Variants in PCBP3 observed in about 807,000 individuals in gnomAD.
PCBP3 encodes poly(rC) binding protein 3.
PCBP3 carries 25 observed loss-of-function variants against 52.7 expected under a neutral mutation model. The ratio of observed to expected loss-of-function variants is 0.47; its 90% confidence interval spans 0.35 to 0.66. The LOEUF is 0.66. Among genes scored for constraint, PCBP3 ranks in the 30% least tolerant of loss-of-function variants. The pLI is 0.01. For missense variants in PCBP3, 391 were observed against 490.3 expected (o/e 0.80, Z 1.91); for synonymous variants, 162 against 183.0 (o/e 0.89, Z 0.93).
intron 2 of PCBP3, among the ~76,000 whole-genome samples, chr21:45,710,859 G>A (rs2083789113): frequency 6.6e-6 from 1 of 152,106 alleles, no homozygotes. Context: ...ATGAACGCAT[G>A]GATTTAAAAA....
intron 14 of PCBP3, 55 bp from the exon 15 acceptor site, chr21:45,930,731 C>T: frequency 2.4e-6 from 2 of 843,996 alleles, no homozygotes; most frequent in Admixed American, 1.7e-5. Flanking sequence ...TTGAAGGGAC[C>T]CTGCTTATCT....
chr21:45,838,932 C>T (rs973001360), intron 4 of PCBP3, among the ~76,000 whole-genome samples: 2 of 152,166 alleles, frequency 1.3e-5, no homozygotes, highest in Non-Finnish European at 2.9e-5. Context: ...GGGCTATTCA[C>T]AAAAGTCTCA....
At chr21:45,712,535 T>C (rs765638230) in intron 2 of PCBP3, among the ~76,000 whole-genome samples, 4 of 152,220 alleles carry the variant, frequency 2.6e-5, no homozygotes, top group African/African-American at 7.2e-5. Flanking sequence ...CTGACTCTTC[T>C]GTACCTCTTT....
Position 45,928,868 on chromosome 21 carries a change from A to T in PCBP3, c.718-1049A>T, listed in dbSNP as rs189203424. Among the ~76,000 whole-genome samples the T allele has an allele frequency of 1.3e-4, 20 of 151,792 alleles. No homozygotes were observed. The East Asian group carries it at 3.7e-3, about 28-fold the overall frequency. Reference sequence around the variant, plus strand: ...AGGTGGTGCCCTCCCCAAATGTGCCACCTCCCCTGCCTGCTGGGCAGCACC... The same window carrying T: ...AGGTGGTGCCCTCCCCAAATGTGCCTCCTCCCCTGCCTGCTGGGCAGCACC... On this transcript the variant is annotated intron_variant, in intron 13 of 17. Coordinates refer to ENST00000681687, the MANE Select transcript of PCBP3 (RefSeq NM_001384156.1). The surrounding 1 kb of genome is among the most constrained non-coding windows in gnomAD (Gnocchi z 4.1).
intron 9 of PCBP3, among the ~76,000 whole-genome samples, chr21:45,908,248 C>T (rs559227802): frequency 1.3e-5 from 2 of 152,132 alleles, no homozygotes; most frequent in African/African-American, 2.4e-5. Flanking sequence ...GGGATTGAGA[C>T]ATGGCCCCAT....
At chr21:45,846,651 C>T (rs116550818) in intron 4 of PCBP3, among the ~76,000 whole-genome samples, 4 of 152,194 alleles carry the variant, frequency 2.6e-5, no homozygotes, top group Admixed American at 2.0e-4. Flanking sequence ...TCTATAGTTT[C>T]TGCATTATAA....
intron 3 of PCBP3, among the ~76,000 whole-genome samples, chr21:45,738,705 C>A (rs974277364): frequency 6.6e-6 from 1 of 152,134 alleles, no homozygotes; most frequent in African/African-American, 2.4e-5. Context: ...GTCCATGGCC[C>A]CCTGGGTAGC....
intron 1 of PCBP3, among the ~76,000 whole-genome samples, chr21:45,667,899 G>A (rs1008136407): frequency 1.3e-5 from 2 of 152,136 alleles, no homozygotes; most frequent in African/African-American, 2.4e-5. Context: ...AACTAACTCT[G>A]TAAAGTCTGT....
rs8133782 is a variant in PCBP3 at position 45,821,177 on chromosome 21, C to G, written c.-125-28784C>G. ...CTTGACCTGCTCCCCCTTCCCGGTT[C>G]CCACTTTTTGCCTGGCAGGCTGGGA... On this transcript the variant is annotated intron_variant, in intron 4 of 17. Transcript: ENST00000681687. This position sits in a 1 kb window ranked among gnomAD's most constrained non-coding sequence, Gnocchi z 4.4. 5.9e-5 allele frequency among the ~76,000 whole-genome samples: 9 copies of G among 152,144 alleles called. No individual in the cohort carries two copies. Among genetic ancestry groups the G allele is most frequent in the Admixed American group, 5.9e-4 (9 of 15,290 alleles).
rs542871794 is a variant in PCBP3 at position 45,914,260 on chromosome 21, C to T, written c.675+235C>T. The T allele has an allele frequency of 2.7e-4, 173 of 629,580 alleles. 1 individual carries two copies. Among genetic ancestry groups the T allele is most frequent in the Middle Eastern group, 7.9e-4 (2 of 2,518 alleles). The allele number at this position is 629,580 out of a possible 1,614,324, so 39.0% of individuals were successfully genotyped here. On this transcript the variant is annotated intron_variant, in intron 12 of 17. Coordinates refer to ENST00000681687, the MANE Select transcript of PCBP3 (RefSeq NM_001384156.1). ...GGAATCATGTTCTCCCTCCCTGACCCGGGCAGGAAGATCTGGCTCTGCCTA... is the reference window on the plus strand; with the variant it reads ...GGAATCATGTTCTCCCTCCCTGACCTGGGCAGGAAGATCTGGCTCTGCCTA...
intron 13 of PCBP3, among the ~76,000 whole-genome samples, chr21:45,925,568 A>G (rs967131008): frequency 1.3e-5 from 2 of 152,106 alleles, no homozygotes; most frequent in Non-Finnish European, 2.9e-5. Context: ...GCAAAAAATA[A>G]TTTTTTTGTT....
chr21:45,740,171 G>T (rs1376797313), intron 3 of PCBP3, among the ~76,000 whole-genome samples: 1 of 152,176 alleles, frequency 6.6e-6, no homozygotes, highest in Non-Finnish European at 1.5e-5. Flanking sequence ...GGGCTAAGTC[G>T]CGTTTCCTCC....
chr21:45,814,781 ATGAGTGG>A (rs2092810978), intron 4 of PCBP3, among the ~76,000 whole-genome samples: 2 of 84,810 alleles, frequency 2.4e-5, no homozygotes, highest in East Asian at 4.2e-4. Flanking sequence ...GTGGTGAGTG[ATGAGTGG>A]TGAGTGAGTG....
chr21:45,751,786 A>T (rs555094559), intron 3 of PCBP3, among the ~76,000 whole-genome samples: 4 of 152,192 alleles, frequency 2.6e-5, no homozygotes, highest in Non-Finnish European at 5.9e-5. Context: ...CCACAGCCAC[A>T]CCATGGGGTC....
intron 4 of PCBP3, among the ~76,000 whole-genome samples, chr21:45,804,971 G>T (rs2092443392): frequency 6.6e-6 from 1 of 152,130 alleles, no homozygotes; most frequent in South Asian, 2.1e-4. Flanking sequence ...TGTGAAATGG[G>T]CCTCACGGGA....
chr21:45,840,451 T>C (rs111892300), intron 4 of PCBP3, among the ~76,000 whole-genome samples: 6,518 of 128,348 alleles, frequency 0.051, 531 homozygotes, highest in African/African-American at 0.17. Context: ...AGCGGGACCC[T>C]GTCTCAAAAA....
chr21:45,731,907 T>A (rs1306318681), intron 2 of PCBP3, among the ~76,000 whole-genome samples: 1 of 152,202 alleles, frequency 6.6e-6, no homozygotes, highest in Admixed American at 6.5e-5. Context: ...CTATTATCTT[T>A]GAAAGCAATC....
intron 16 of PCBP3, among the ~76,000 whole-genome samples, chr21:45,936,397 T>A (rs2076896101): frequency 6.6e-6 from 1 of 152,224 alleles, no homozygotes; most frequent in African/African-American, 2.4e-5. Flanking sequence ...AGAGTCCCCA[T>A]GTCTGCTAAA....
chr21:45,668,715 G>T (rs895881654), intron 1 of PCBP3, among the ~76,000 whole-genome samples, 159 bp from the exon 2 acceptor site: 39 of 152,238 alleles, frequency 2.6e-4, no homozygotes, highest in African/African-American at 9.1e-4. Context: ...AAAAAAAGTT[G>T]ATTTGGCCAA....
Sources: allele counts gnomAD v4.1 joint callset (sites outside exome capture counted in the v4.1 genomes callset), GRCh38; gene constraint gnomAD v4.1.1; non-coding constraint Gnocchi (gnomAD v3.1); transcripts MANE v1.5; gene names NCBI Gene and HGNC (gene_info 2026-07-23, HGNC 2026-07-21).